Variants in CALN1 observed in about 807,000 individuals in gnomAD.
The protein encoded by CALN1 is calcium-binding protein 8.
In CALN1, 17 loss-of-function variants were observed where a neutral mutation model predicts 30.6. The ratio of observed to expected loss-of-function variants is 0.56; its 90% confidence interval spans 0.38 to 0.83. CALN1 has a LOEUF of 0.83. Ranked by LOEUF, CALN1 falls within the 40% of genes least tolerant of loss-of-function variation. CALN1 has a pLI of 0.00. For synonymous variants in CALN1, 156 were observed against 131.4 expected, an observed-to-expected ratio of 1.19 and a Z score of -1.28; for missense variants, 291 against 354.9, an observed-to-expected ratio of 0.82 and a Z score of 1.45.
intron 3 of CALN1, among the ~76,000 whole-genome samples, chr7:72,231,995 C>T (rs1233964329): frequency 6.6e-6 from 1 of 152,146 alleles, no homozygotes; most frequent in Non-Finnish European, 1.5e-5. Context: ...AGGAGCCTGA[C>T]AGGTGTGAAA....
At chr7:72,009,035 A>G (rs1799931062) in intron 5 of CALN1, among the ~76,000 whole-genome samples, 1 of 152,218 alleles carries the variant, frequency 6.6e-6, no homozygotes, top group African/African-American at 2.4e-5. Context: ...TAACCTGAAG[A>G]TAATATAAGT....
At chr7:72,109,656 C>T (rs1807420459) in intron 3 of CALN1, among the ~76,000 whole-genome samples, 1 of 152,226 alleles carries the variant, frequency 6.6e-6, no homozygotes, top group East Asian at 1.9e-4. Flanking sequence ...CGTGGAGCCA[C>T]TACTCAGCTT....
chr7:72,402,901 T>C (rs1009146916), intron 2 of CALN1, among the ~76,000 whole-genome samples: 2 of 152,316 alleles, frequency 1.3e-5, no homozygotes, highest in Admixed American at 1.3e-4. Flanking sequence ...ATAAAATTAT[T>C]TGAGAATTGA....
intron 2 of CALN1, chr7:72,336,928 C>CGA: frequency 2.0e-6 from 2 of 985,046 alleles, no homozygotes; most frequent in South Asian, 9.4e-5. Flanking sequence ...CACGCGCGCG[C>CGA]CGGGACCTGC....
At chr7:72,115,940 T>G (rs560954450) in intron 3 of CALN1, among the ~76,000 whole-genome samples, 2 of 152,296 alleles carry the variant, frequency 1.3e-5, no homozygotes, top group Admixed American at 6.5e-5. Context: ...TGTGCTTTAC[T>G]TATTTCACTT....
chr7:72,501,296 G>A, the CALN1 span, among the ~76,000 whole-genome samples: 1 of 144,446 alleles, frequency 6.9e-6, no homozygotes, highest in Non-Finnish European at 1.5e-5. Flanking sequence ...ACTTTGGGAG[G>A]CCAAGGTGGA....
chr7:72,144,798 T>G (rs1044726525), intron 3 of CALN1, among the ~76,000 whole-genome samples: 1 of 152,058 alleles, frequency 6.6e-6, no homozygotes, highest in Admixed American at 6.6e-5. Flanking sequence ...GCAATCAAAT[T>G]AGAACTTAGG....
At chr7:71,956,572 C>T (rs1796973633) in intron 5 of CALN1, among the ~76,000 whole-genome samples, 1 of 150,006 alleles carries the variant, frequency 6.7e-6, no homozygotes. Context: ...AGTTATCCTC[C>T]AGCCTCAGCC....
intron 4 of CALN1, among the ~76,000 whole-genome samples, chr7:72,094,501 G>A (rs909853179): frequency 6.6e-5 from 10 of 152,246 alleles, no homozygotes; most frequent in Non-Finnish European, 1.5e-4. Flanking sequence ...TGATCTGCCT[G>A]CCTCAGCCTC....
chr7:71,907,371 GGACA>G (rs1794197361), intron 5 of CALN1, among the ~76,000 whole-genome samples: 8 of 152,074 alleles, frequency 5.3e-5, no homozygotes, highest in African/African-American at 1.9e-4. Context: ...CAAACCAGAA[GGACA>G]AATTGGGGGC....
intron 3 of CALN1, among the ~76,000 whole-genome samples, chr7:72,232,499 T>A (rs1554332562): frequency 6.6e-6 from 1 of 152,220 alleles, no homozygotes; most frequent in Non-Finnish European, 1.5e-5. Flanking sequence ...CTCACTCTGT[T>A]GCCCAGGCTG....
chr7:72,001,092 C>G (rs867817615), intron 5 of CALN1, among the ~76,000 whole-genome samples: 1 of 151,662 alleles, frequency 6.6e-6, no homozygotes, highest in Non-Finnish European at 1.5e-5. Flanking sequence ...CACTAAATAA[C>G]AGTAATTGGT....
At chr7:71,846,898 TATAATA>T (rs1790286984) in intron 5 of CALN1, among the ~76,000 whole-genome samples, 1 of 146,730 alleles carries the variant, frequency 6.8e-6, no homozygotes, top group South Asian at 2.1e-4. Flanking sequence ...TATATGTATA[TATAATA>T]TATACATACA....
At chr7:71,813,685 T>C (rs1024509465) in intron 5 of CALN1, among the ~76,000 whole-genome samples, 2 of 152,092 alleles carry the variant, frequency 1.3e-5, no homozygotes, top group Admixed American at 1.3e-4. Context: ...ATCCTAGCAC[T>C]TTGGGAGGCC....
intron 6 of CALN1, among the ~76,000 whole-genome samples, chr7:71,806,220 AAG>A: frequency 7.6e-6 from 1 of 132,340 alleles, no homozygotes; most frequent in East Asian, 3.2e-4. Context: ...AAAATTAATG[AAG>A]AAGCCAGGTG....
chr7:72,329,646 T>TA (rs1336470484), intron 2 of CALN1, among the ~76,000 whole-genome samples: 1 of 152,212 alleles, frequency 6.6e-6, no homozygotes, highest in East Asian at 1.9e-4. Flanking sequence ...TCAGCCTAAA[T>TA]AGAGCTCATC....
At chr7:72,291,537 T>A (rs1798477941) in intron 2 of CALN1, among the ~76,000 whole-genome samples, 1 of 152,264 alleles carries the variant, frequency 6.6e-6, no homozygotes, top group Admixed American at 6.5e-5. Flanking sequence ...ACATTTGGAC[T>A]GCACATCCCC....
In CALN1 at chr7:71,783,589, G is replaced by A. The variant is rs1413866222; in HGVS notation, c.*4186C>T. 6.6e-6 allele frequency: 1 copy of A among 152,610 alleles called. No individual in the cohort carries two copies. 9.5% of individuals were successfully genotyped at this position (152,610 alleles called of 1,614,324 possible). Reference sequence around the variant, plus strand: ...AGCCCAAACCAGGGAGCTGTCCTGGGTGGTTGCATCCTTCATTTTCTGTCC... The same window carrying A: ...AGCCCAAACCAGGGAGCTGTCCTGGATGGTTGCATCCTTCATTTTCTGTCC... On this transcript the variant is annotated 3_prime_UTR_variant, in exon 7 of 7. Coordinates refer to ENST00000395275, the MANE Select transcript of CALN1 (RefSeq NM_031468.4).
intron 6 of CALN1, among the ~76,000 whole-genome samples, chr7:71,809,658 C>A (rs1475078417): frequency 1.3e-5 from 2 of 151,924 alleles, no homozygotes; most frequent in East Asian, 3.9e-4. Flanking sequence ...TTTAGCTTCT[C>A]AGGAATTCTC....
Sources: allele counts gnomAD v4.1 joint callset (sites outside exome capture counted in the v4.1 genomes callset), GRCh38; gene constraint gnomAD v4.1.1; transcripts MANE v1.5; gene names NCBI Gene and HGNC (gene_info 2026-07-23, HGNC 2026-07-21).